The following HTR4 variants were observed in gnomAD, a reference collection of about 807,000 sequenced individuals.
HTR4 encodes 5-hydroxytryptamine (serotonin) receptor 4, G protein-coupled.
A neutral mutation model predicts 36.8 loss-of-function variants in HTR4; 16 were observed. The ratio of observed to expected loss-of-function variants is 0.43; its 90% CI spans 0.29 to 0.66. HTR4 has a LOEUF of 0.66. Ranked by LOEUF, HTR4 falls within the 30% of genes least tolerant of loss-of-function variation. HTR4 has a pLI of 0.13. For synonymous variants in HTR4, 189 were observed against 185.1 expected, an observed-to-expected ratio of 1.02 and a Z score of -0.17; for missense variants, 438 against 490.9, an observed-to-expected ratio of 0.89 and a Z score of 1.02.
chr5:148,461,358 T>C (rs1755273886), intron 5 of HTR4, among the ~76,000 whole-genome samples: 1 of 151,990 alleles, frequency 6.6e-6, no homozygotes, highest in Admixed American at 6.6e-5. Flanking sequence ...CCAAACTATA[T>C]GTTGTCTACA....
At chr5:148,539,613 T>TA (rs542306216) in intron 4 of HTR4, among the ~76,000 whole-genome samples, 101 of 152,078 alleles carry the variant, frequency 6.6e-4, no homozygotes, top group African/African-American at 2.4e-3. Context: ...AACAAGCATA[T>TA]AAAAAAGAGC....
chr5:148,484,030 C>T (rs532640184), intron 6 of HTR4, among the ~76,000 whole-genome samples: 2 of 151,752 alleles, frequency 1.3e-5, no homozygotes, highest in South Asian at 4.2e-4. Context: ...TTTGTTATAT[C>T]GGTTTGGTAT....
intron 4 of HTR4, among the ~76,000 whole-genome samples, chr5:148,540,607 T>C (rs1486293168): frequency 6.6e-6 from 1 of 151,672 alleles, no homozygotes; most frequent in African/African-American, 2.4e-5. Flanking sequence ...TCACCTTCAA[T>C]ATACAATGTG....
At chr5:148,504,055 A>G (rs1430141315) in intron 6 of HTR4, among the ~76,000 whole-genome samples, 3 of 152,196 alleles carry the variant, frequency 2.0e-5, no homozygotes, top group Non-Finnish European at 4.4e-5. Context: ...GGAGACTTTA[A>G]CACCCCACTG....
At chr5:148,625,313 TA>T (rs1291115503) in intron 2 of HTR4, among the ~76,000 whole-genome samples, 1 of 152,190 alleles carries the variant, frequency 6.6e-6, no homozygotes, top group African/African-American at 2.4e-5. Flanking sequence ...AAAACACTGC[TA>T]AAATTAAGCT....
intron 5 of HTR4, among the ~76,000 whole-genome samples, chr5:148,469,566 A>G (rs1239732566): frequency 1.3e-5 from 2 of 152,242 alleles, no homozygotes; most frequent in South Asian, 4.1e-4. Context: ...GCTCTGCAGC[A>G]TAAACAATAA....
At chr5:148,641,689 G>C (rs969515600) in intron 1 of HTR4, among the ~76,000 whole-genome samples, 2 of 152,122 alleles carry the variant, frequency 1.3e-5, no homozygotes. Context: ...TATAAGACTA[G>C]GAGGAGGAAG....
At chr5:148,464,047 A>AG (rs1755359146) in intron 5 of HTR4, among the ~76,000 whole-genome samples, 1 of 151,660 alleles carries the variant, frequency 6.6e-6, no homozygotes, top group African/African-American at 2.4e-5. Context: ...AAAAAAAAAA[A>AG]AAAAAGAATC....
chr5:148,630,261 A>G (rs1025722510), intron 2 of HTR4: 2 of 152,180 alleles, frequency 1.3e-5, no homozygotes, highest in African/African-American at 4.8e-5. Flanking sequence ...ATTTTCTTGT[A>G]AACAGGGGTC....
chr5:148,461,014 T>C (rs1002538288), intron 5 of HTR4, among the ~76,000 whole-genome samples: 3 of 151,998 alleles, frequency 2.0e-5, no homozygotes, highest in South Asian at 2.1e-4. Flanking sequence ...TATAAGGTAT[T>C]TGTACTACCA....
chr5:148,568,995 A>G (rs1438213269), intron 2 of HTR4, among the ~76,000 whole-genome samples: 1 of 152,110 alleles, frequency 6.6e-6, no homozygotes, highest in Non-Finnish European at 1.5e-5. Flanking sequence ...GAAGGGATCC[A>G]TATACATATA....
intron 3 of HTR4, 142 bp from the exon 4 acceptor site, chr5:148,549,010 G>T: frequency 1.5e-6 from 1 of 665,018 alleles, no homozygotes; most frequent in Non-Finnish European, 2.6e-6. Flanking sequence ...GAAAGAAAAA[G>T]TCACATGCTT....
chr5:148,582,879 A>G (rs1176811549), intron 2 of HTR4, among the ~76,000 whole-genome samples: 1 of 152,074 alleles, frequency 6.6e-6, no homozygotes. Context: ...GTCGTCTGCA[A>G]ACAGGGACAA....
chr5:148,521,550 C>G (rs1352264991), intron 5 of HTR4, among the ~76,000 whole-genome samples: 1 of 150,386 alleles, frequency 6.6e-6, no homozygotes, highest in Non-Finnish European at 1.5e-5. Context: ...TATTGGCTCT[C>G]CTGGGAGTCT....
At chr5:148,508,061 G>T (rs1757308359) in intron 6 of HTR4, among the ~76,000 whole-genome samples, 1 of 152,128 alleles carries the variant, frequency 6.6e-6, no homozygotes, top group African/African-American at 2.4e-5. Context: ...TACACTTGTA[G>T]CAAAAAATGG....
At position 148,482,997 on chromosome 5, in the gene HTR4, C is replaced by G; in HGVS notation, c.*206G>C. ...GGAGTGTTGGGAAATAAAAAGTGAA[C>G]AAGGAGGCCATTATGTCCCCTGACT... On this transcript the variant is annotated 3_prime_UTR_variant, in exon 7 of 7. Transcript: ENST00000377888. 7.0e-7 allele frequency: 1 copy of G among 1,426,980 alleles called. No individual in the cohort carries two copies. Among genetic ancestry groups the G allele is most frequent in the South Asian group, 1.5e-5 (1 of 64,746 alleles). The allele number at this position is 1,426,980 out of a possible 1,614,324, so 88.4% of individuals were successfully genotyped here.
At chr5:148,562,542 A>G (rs1470600593) in intron 2 of HTR4, among the ~76,000 whole-genome samples, 2 of 152,074 alleles carry the variant, frequency 1.3e-5, no homozygotes, top group Non-Finnish European at 2.9e-5. Context: ...CTTCTCTCCA[A>G]TCTGCTGTCA....
intron 5 of HTR4, among the ~76,000 whole-genome samples, chr5:148,515,226 C>T (rs1021955798): frequency 2.0e-5 from 3 of 152,052 alleles, no homozygotes; most frequent in African/African-American, 7.2e-5. Context: ...CAACTCATTA[C>T]AGTCTTTTTC....
At chr5:148,646,318 T>C (rs529301984) in intron 1 of HTR4, 1 of 152,362 alleles carries the variant, frequency 6.6e-6, no homozygotes, top group African/African-American at 2.4e-5. Context: ...TTGCTCTGCA[T>C]GCCAAGAGAA....
Sources: allele counts gnomAD v4.1 joint callset (sites outside exome capture counted in the v4.1 genomes callset), GRCh38; gene constraint gnomAD v4.1.1; transcripts MANE v1.5; gene names NCBI Gene and HGNC (gene_info 2026-07-23, HGNC 2026-07-21).